NUP210L: variants seen among roughly 807,000 people sequenced by gnomAD.
NUP210L encodes the protein nucleoporin 210 like.
Under a neutral mutation model 208.5 loss-of-function variants are expected in NUP210L, and 74 were observed. That is an observed-to-expected ratio of 0.35 (90% CI 0.29 to 0.43). The LOEUF is 0.43. Ranked by LOEUF, NUP210L falls within the 20% of genes least tolerant of loss-of-function variation. The pLI is 1.00. For synonymous variants in NUP210L, 780 were observed against 816.9 expected, an observed-to-expected ratio of 0.95 and a Z score of 0.77; for missense variants, 1,843 against 2,289.4, an observed-to-expected ratio of 0.81 and a Z score of 3.98.
At chr1:154,116,386 T>A (rs1456274991) in intron 12 of NUP210L, among the ~76,000 whole-genome samples, 1 of 149,942 alleles carries the variant, frequency 6.7e-6, no homozygotes, top group African/African-American at 2.5e-5. Flanking sequence ...ATCACGCCAC[T>A]GCACTCCAGC....
chr1:153,993,113 A>G, intron 38 of NUP210L, 24 bp from the exon 39 acceptor site: 1 of 1,586,120 alleles, frequency 6.3e-7, no homozygotes, highest in Non-Finnish European at 8.6e-7. Flanking sequence ...AGGAAATGTC[A>G]CAAGGCATAT....
intron 10 of NUP210L, among the ~76,000 whole-genome samples, chr1:154,119,300 A>C (rs6678826): frequency 0.3 from 45,923 of 152,058 alleles, 7,868 homozygotes; most frequent in Admixed American, 0.45. Context: ...AAGGTTCTAC[A>C]GGGCTGGCTG....
At chr1:154,070,323 G>A (rs1244935667) in exon 17 of NUP210L, 2 of 1,612,782 alleles carry the variant, frequency 1.2e-6, no homozygotes, top group Non-Finnish European at 1.7e-6. Context: ...CATTTCCACT[G>A]ATTTATAATC....
chr1:154,086,621 G>C (rs1279727719), intron 16 of NUP210L, among the ~76,000 whole-genome samples: 2 of 151,880 alleles, frequency 1.3e-5, no homozygotes. Flanking sequence ...GACCAGCCTG[G>C]GCAATATAGT....
intron 38 of NUP210L, among the ~76,000 whole-genome samples, chr1:153,993,394 G>A (rs12032227): frequency 0.16 from 24,183 of 151,538 alleles, 2,354 homozygotes; most frequent in East Asian, 0.5. Flanking sequence ...GTGAAACCCC[G>A]TCTCTACTAA....
intron 35 of NUP210L, among the ~76,000 whole-genome samples, chr1:154,004,361 G>A (rs1428804910): frequency 3.3e-5 from 5 of 149,718 alleles, no homozygotes; most frequent in Admixed American, 2.0e-4. Flanking sequence ...GAGCCACTGC[G>A]CCCGGCCTTC....
At position 154,100,447 on chromosome 1, in the gene NUP210L, T is replaced by TA. The variant is rs796143273; in HGVS notation, c.1820-305dup. The stretch of plus-strand genomic sequence containing the variant: ...GCCTGGGCAAGAGTAAGACCTTACC[T>TA]AAAAAAAAAAAAAAACCCAAAACAA... On this transcript the variant is annotated intron_variant, in intron 13 of 39. Transcript: ENST00000368559. Among the ~76,000 whole-genome samples the TA allele has an allele frequency of 5.9e-3, 567 of 95,682 alleles. 2 individuals are homozygous for TA. The highest frequency in any genetic ancestry group is 0.013 in the South Asian group (35 of 2,668). 62.8% of individuals were successfully genotyped at this position (95,682 alleles called of 152,430 possible).
At chr1:154,108,920 G>A (rs910375342) in intron 12 of NUP210L, among the ~76,000 whole-genome samples, 3 of 151,658 alleles carry the variant, frequency 2.0e-5, no homozygotes, top group Non-Finnish European at 4.4e-5. Flanking sequence ...GACCAACATG[G>A]AGAAACCCCG....
Position 153,992,871 on chromosome 1 carries a change from A to T in NUP210L, c.5631T>A (p.Ser1877Arg). 6.2e-7 allele frequency: 1 copy of T among 1,613,444 alleles called. No individual in the cohort carries two copies. The change falls in exon 40 of 40, where the codon AGT becomes AGA. Residue 1877 changes from serine (S) to arginine (R), a missense_variant. This residue lies in a region of NUP210L where 108 missense variants were observed against 91.1 expected (regional missense o/e 1.18). Transcript: ENST00000368559. ...TACTCCATAACCAATGTTGCAGCCG[A>T]CTTTGGGCCAATGGAGGTTGTAGAC...
intron 11 of NUP210L, 63 bp downstream of exon 11, chr1:154,118,608 C>A: frequency 1.7e-6 from 2 of 1,162,228 alleles, no homozygotes; most frequent in Non-Finnish European, 2.3e-6. Flanking sequence ...AATCAAATTT[C>A]AATAAATTAA....
At chr1:154,095,329 C>T (rs991975888) in intron 14 of NUP210L, among the ~76,000 whole-genome samples, 173 bp from the exon 15 acceptor site, 1 of 152,278 alleles carries the variant, frequency 6.6e-6, no homozygotes, top group East Asian at 1.9e-4. Flanking sequence ...AACTTGGATC[C>T]TACCTATCAT....
chr1:154,088,576 T>C lies in NUP210L; in HGVS notation c.2361+845A>G, dbSNP rs556328830. Among the ~76,000 whole-genome samples, 5 of 152,318 alleles carry C rather than the reference T, an allele frequency of 3.3e-5. No homozygotes were observed. The South Asian group carries it at 1.0e-3, about 32-fold the overall frequency. The stretch of plus-strand genomic sequence containing the variant: ...TAACTCCTTCATAAACTTCAAATAA[T>C]ATTTGATGTGAAGTCTGACTCAAAA... On this transcript the variant is annotated intron_variant, in intron 16 of 39. Coordinates refer to ENST00000368559, the Ensembl canonical transcript of NUP210L.
chr1:154,041,282 C>A (rs975956664), intron 27 of NUP210L, among the ~76,000 whole-genome samples: 1 of 152,110 alleles, frequency 6.6e-6, no homozygotes, highest in Non-Finnish European at 1.5e-5. Context: ...TACTTCTCTC[C>A]TATCCCAGTT....
At chr1:154,010,949 G>A (rs1245946841) in intron 34 of NUP210L, among the ~76,000 whole-genome samples, 4 of 152,002 alleles carry the variant, frequency 2.6e-5, no homozygotes, top group Non-Finnish European at 1.5e-5. Flanking sequence ...AAGAGAATTT[G>A]TTTTTCATAT....
chr1:154,021,267 A>T (rs1472354292), intron 32 of NUP210L, among the ~76,000 whole-genome samples: 2 of 152,186 alleles, frequency 1.3e-5, no homozygotes, highest in African/African-American at 4.8e-5. Flanking sequence ...CTCAGTACTT[A>T]GGACAGAAAT....
intron 2 of NUP210L, among the ~76,000 whole-genome samples, chr1:154,149,087 C>CTTTTTTTTTTTTTTTTTTTTTTT (rs770217261): frequency 8.4e-6 from 1 of 119,362 alleles, no homozygotes; most frequent in South Asian, 2.9e-4. Context: ...GAAAACTTCT[C>CTTTTTTTTTTTTTTTTTTTTTTT]TTTTTTTTTT....
Position 154,060,922 on chromosome 1 carries a change from T to G in NUP210L, c.2748+20A>C. ...CCCCTCCAATATGATTCCATTTAACTAGACTCATACAGCTTCTACCTTTAC... is the reference window on the plus strand; with the variant it reads ...CCCCTCCAATATGATTCCATTTAACGAGACTCATACAGCTTCTACCTTTAC... On this transcript the variant is annotated intron_variant, in intron 19 of 39. Coordinates refer to ENST00000368559, the Ensembl canonical transcript of NUP210L. The G allele has an allele frequency of 6.7e-7, 1 of 1,487,080 alleles. No homozygotes were observed. Among genetic ancestry groups the G allele is most frequent in the Non-Finnish European group, 9.4e-7 (1 of 1,069,466 alleles). The allele number at this position is 1,487,080 out of a possible 1,614,324, so 92.1% of individuals were successfully genotyped here. A position where few individuals can be genotyped will look rare whatever the true frequency, so the allele number is the denominator to read the frequency against.
chr1:154,020,125 C>A (rs1010222440), intron 32 of NUP210L, among the ~76,000 whole-genome samples: 2 of 152,120 alleles, frequency 1.3e-5, no homozygotes, highest in Non-Finnish European at 2.9e-5. Context: ...GTATAGAGCC[C>A]CTTTGTATCA....
intron 29 of NUP210L, among the ~76,000 whole-genome samples, chr1:154,027,080 C>CAAA (rs59626984): frequency 7.8e-4 from 79 of 101,730 alleles, no homozygotes; most frequent in African/African-American, 2.0e-3. Context: ...GAGACTGTCT[C>CAAA]AAAAAAAAAA....
Sources: gnomAD v4.1 joint callset for allele counts (sites outside exome capture counted in the v4.1 genomes callset) on GRCh38, gnomAD v4.1.1 for gene constraint, gnomAD v4.1.1 regional missense constraint, MANE v1.5 for transcripts, NCBI Gene and HGNC (gene_info 2026-07-23, HGNC 2026-07-21) for gene names.